The following SEMA3E variants were observed in gnomAD, a reference collection of about 807,000 sequenced individuals.
The protein encoded by SEMA3E is semaphorin-3E.
A neutral mutation model predicts 93.6 loss-of-function variants in SEMA3E; 49 were observed. The observed-to-expected ratio is 0.52, with a 90% confidence interval of 0.42 to 0.66. SEMA3E has a LOEUF of 0.66. Ranked by LOEUF, SEMA3E falls within the 30% of genes least tolerant of loss-of-function variation. The probability of loss-of-function intolerance (pLI) is 0.00; values close to 1 mark genes in which losing one functional copy is unlikely to be tolerated. For missense variants in SEMA3E, 906 were observed against 964.8 expected (o/e 0.94, Z 0.81); for synonymous variants, 363 against 330.7 (o/e 1.10, Z -1.06).
At chr7:83,478,453 T>A (rs1790068953) in intron 2 of SEMA3E, among the ~76,000 whole-genome samples, 3 of 152,204 alleles carry the variant, frequency 2.0e-5, no homozygotes. Context: ...AGTATTCATA[T>A]CTTCCAGAGA....
intron 1 of SEMA3E, among the ~76,000 whole-genome samples, chr7:83,639,565 C>A (rs1156755559): frequency 6.6e-6 from 1 of 150,726 alleles, no homozygotes; most frequent in Admixed American, 6.6e-5. Context: ...TACTCCTTGC[C>A]CTGAAGGACC....
chr7:83,562,456 A>G (rs1792048419), intron 1 of SEMA3E, among the ~76,000 whole-genome samples: 1 of 139,550 alleles, frequency 7.2e-6, no homozygotes, highest in Non-Finnish European at 1.5e-5. Flanking sequence ...AGGCTTTCTG[A>G]ACTTCCTTTT....
At chr7:83,597,699 C>T (rs1194741206) in intron 1 of SEMA3E, among the ~76,000 whole-genome samples, 1 of 152,140 alleles carries the variant, frequency 6.6e-6, no homozygotes, top group African/African-American at 2.4e-5. Flanking sequence ...CACAACTATA[C>T]TTGTCTTGGT....
At chr7:83,444,595 A>G (rs1789185380) in intron 4 of SEMA3E, among the ~76,000 whole-genome samples, 1 of 152,152 alleles carries the variant, frequency 6.6e-6, no homozygotes, top group Non-Finnish European at 1.5e-5. Flanking sequence ...AAAGCATGCA[A>G]TGTTGGAAAA....
intron 1 of SEMA3E, among the ~76,000 whole-genome samples, chr7:83,640,619 C>T (rs889378410): frequency 2.0e-5 from 3 of 152,054 alleles, no homozygotes; most frequent in African/African-American, 2.4e-5. Context: ...TAAAGTTTTT[C>T]TAAAAAATTC....
rs1584338062 is a variant in SEMA3E at position 83,570,570 on chromosome 7, A to AAAAAAAG, written c.115+77857_115+77858insCTTTTTT. Among the ~76,000 whole-genome samples, 2 of 146,806 alleles carry AAAAAAAG rather than the reference A, an allele frequency of 1.4e-5. 1 individual carries two copies. Among genetic ancestry groups the AAAAAAAG allele is most frequent in the African/African-American group, 5.1e-5 (2 of 39,122 alleles). On this transcript the variant is annotated intron_variant, in intron 1 of 16. Transcript: ENST00000643230. The stretch of plus-strand genomic sequence containing the variant: ...TCCGTCTCAAAAAAAAAAAAAAAAA[A>AAAAAAAG]AAGAAGTTAGAAAGGTCTCAGACTA...
At chr7:83,467,432 A>C (rs78476549) in intron 3 of SEMA3E, among the ~76,000 whole-genome samples, 3,014 of 152,330 alleles carry the variant, frequency 0.02, 62 homozygotes, top group East Asian at 0.11. Flanking sequence ...GAGAATTGTT[A>C]AGTAAATATG....
chr7:83,381,485 C>G (rs10261820), intron 16 of SEMA3E, among the ~76,000 whole-genome samples: 2 of 151,806 alleles, frequency 1.3e-5, no homozygotes, highest in African/African-American at 2.4e-5. Flanking sequence ...CTTAGTGAGG[C>G]CTTCTATGGC....
chr7:83,631,961 G>T (rs1463570264), intron 1 of SEMA3E, among the ~76,000 whole-genome samples: 3 of 152,064 alleles, frequency 2.0e-5, no homozygotes, highest in African/African-American at 7.2e-5. Flanking sequence ...TTCGAGACCA[G>T]CCTGAACAAC....
At chr7:83,439,333 C>A (rs1319057031) in intron 4 of SEMA3E, among the ~76,000 whole-genome samples, 1 of 152,190 alleles carries the variant, frequency 6.6e-6, no homozygotes, top group East Asian at 1.9e-4. Flanking sequence ...GGAAAGGACG[C>A]TTTCTCTAAC....
rs1794700618 is a variant in SEMA3E, at chr7:83,368,149, G to C, written c.1876-111C>G. On this transcript the variant is annotated intron_variant, in intron 16 of 16. Coordinates refer to ENST00000643230, the MANE Select transcript of SEMA3E (RefSeq NM_012431.3). ...TTTTTCATTTTCACTGTCACATAAT[G>C]AAACCCTGAAAATCATACATACACA... 3.3e-6 allele frequency: 3 copies of C among 911,910 alleles called. No individual in the cohort carries two copies. The East Asian group carries it at 7.6e-5, about 23-fold the overall frequency. 56.5% of individuals were successfully genotyped at this position (911,910 alleles called of 1,614,324 possible).
intron 1 of SEMA3E, among the ~76,000 whole-genome samples, chr7:83,617,777 AAGT>A (rs1311303985): frequency 2.0e-5 from 3 of 151,572 alleles, no homozygotes; most frequent in Admixed American, 6.6e-5. Flanking sequence ...TGACAAAGTA[AAGT>A]AGTGTTTAAA....
At chr7:83,608,427 C>G (rs1031128191) in intron 1 of SEMA3E, among the ~76,000 whole-genome samples, 1 of 152,008 alleles carries the variant, frequency 6.6e-6, no homozygotes, top group African/African-American at 2.4e-5. Flanking sequence ...AATCCTACTA[C>G]TCTTTCAGAA....
chr7:83,539,751 T>C (rs1791478888), intron 1 of SEMA3E, among the ~76,000 whole-genome samples: 1 of 152,180 alleles, frequency 6.6e-6, no homozygotes, highest in Non-Finnish European at 1.5e-5. Flanking sequence ...CTGATGAGTT[T>C]TGGAGAAAAT....
In SEMA3E at chr7:83,482,564, CAAAAAAA is replaced by C. The variant is rs11429680; in HGVS notation, c.276+7543_276+7549del. ...TGCGCGACAGAGCCACACTCCGTCT[CAAAAAAA>C]AAAAAAAAAAAAAAAAATTTGCAAG... On this transcript the variant is annotated intron_variant, in intron 2 of 16. Transcript: ENST00000643230. 1.6e-4 allele frequency among the ~76,000 whole-genome samples: 13 copies of C among 80,230 alleles called. 1 individual carries two copies. Among genetic ancestry groups the C allele is most frequent in the African/African-American group, 2.3e-4 (4 of 17,382 alleles). The allele number at this position is 80,230 out of a possible 152,430, so 52.6% of individuals were successfully genotyped here. A position where few individuals can be genotyped will look rare whatever the true frequency, so the allele number is the denominator to read the frequency against.
intron 4 of SEMA3E, among the ~76,000 whole-genome samples, chr7:83,439,160 G>C (rs970471414): frequency 6.6e-6 from 1 of 152,112 alleles, no homozygotes; most frequent in Non-Finnish European, 1.5e-5. Flanking sequence ...CTTTTACTTG[G>C]ATGCATTTGA....
At chr7:83,478,178 C>G (rs1361886461) in intron 2 of SEMA3E, among the ~76,000 whole-genome samples, 1 of 152,136 alleles carries the variant, frequency 6.6e-6, no homozygotes, top group Non-Finnish European at 1.5e-5. Flanking sequence ...CCGCCTTGGT[C>G]CCCCAAAGTG....
chr7:83,631,672 A>T (rs1793789388), intron 1 of SEMA3E, among the ~76,000 whole-genome samples: 2 of 152,210 alleles, frequency 1.3e-5, no homozygotes, highest in Non-Finnish European at 1.5e-5. Context: ...TACACATATG[A>T]TCTACATTCT....
At chr7:83,504,001 T>C (rs1412757997) in intron 1 of SEMA3E, among the ~76,000 whole-genome samples, 1 of 152,132 alleles carries the variant, frequency 6.6e-6, no homozygotes, top group African/African-American at 2.4e-5. Context: ...CTTATCTTTA[T>C]AAAAATAAGG....
Sources: gnomAD v4.1 joint callset for allele counts (sites outside exome capture counted in the v4.1 genomes callset) on GRCh38, gnomAD v4.1.1 for gene constraint, MANE v1.5 for transcripts, NCBI Gene and HGNC (gene_info 2026-07-23, HGNC 2026-07-21) for gene names.